The following MLIP variants were observed in gnomAD, a reference collection of about 807,000 sequenced individuals.
MLIP encodes muscular LMNA-interacting protein.
Under a neutral mutation model 84.8 loss-of-function variants are expected in MLIP, and 79 were observed. The ratio of observed to expected loss-of-function variants is 0.93; its 90% CI spans 0.78 to 1.12. The LOEUF is 1.12. MLIP is among the 50% of genes most tolerant of loss of function. MLIP has a pLI of 0.00. For synonymous variants in MLIP, 504 were observed against 463.0 expected, an observed-to-expected ratio of 1.09 and a Z score of -1.14; for missense variants, 1,257 against 1,160.6, an observed-to-expected ratio of 1.08 and a Z score of -1.21.
intron 12 of MLIP, among the ~76,000 whole-genome samples, chr6:54,239,867 C>T (rs1356079820): frequency 6.6e-6 from 1 of 151,956 alleles, no homozygotes; most frequent in African/African-American, 2.4e-5. Context: ...ATAATAAACC[C>T]TTCCAGTCAA....
intron 13 of MLIP, among the ~76,000 whole-genome samples, chr6:54,257,868 T>A (rs1357596106): frequency 6.6e-6 from 1 of 152,084 alleles, no homozygotes; most frequent in African/African-American, 2.4e-5. Context: ...ATCAGCTCAA[T>A]CATAGCCTCT....
intron 8 of MLIP, among the ~76,000 whole-genome samples, chr6:54,163,461 G>A (rs955642651): frequency 1.3e-5 from 2 of 151,024 alleles, no homozygotes; most frequent in Admixed American, 1.3e-4. Flanking sequence ...GCTTTCCTTA[G>A]GCAATTTTGA....
intron 5 of MLIP, among the ~76,000 whole-genome samples, chr6:54,154,094 C>T (rs1053430611): frequency 1.3e-5 from 2 of 151,788 alleles, no homozygotes; most frequent in Non-Finnish European, 2.9e-5. Context: ...TTTAATTATG[C>T]ATATTTATTG....
intron 11 of MLIP, among the ~76,000 whole-genome samples, chr6:54,213,734 A>AAAAAAAAACC (rs368508685): frequency 7.3e-5 from 6 of 82,372 alleles, no homozygotes; most frequent in Admixed American, 1.5e-4. Context: ...AAAAAAAAAA[A>AAAAAAAAACC]AACAACAAAC....
intron 5 of MLIP, among the ~76,000 whole-genome samples, chr6:54,155,481 AATAG>A (rs1365063777): frequency 2.6e-5 from 4 of 152,270 alleles, no homozygotes; most frequent in South Asian, 2.1e-4. Context: ...AATTCAATCA[AATAG>A]ATAGTCTAAG....
chr6:54,236,644 T>A (rs1188709968), intron 12 of MLIP, among the ~76,000 whole-genome samples: 1 of 151,252 alleles, frequency 6.6e-6, no homozygotes, highest in Non-Finnish European at 1.5e-5. Flanking sequence ...CTCTCTGGTA[T>A]CATGTTTTTG....
chr6:54,090,086 G>A (rs582710), intron 1 of MLIP, among the ~76,000 whole-genome samples: 100,716 of 152,008 alleles, frequency 0.66, 35,690 homozygotes, highest in Non-Finnish European at 0.8. Context: ...GATCAGTTTT[G>A]TTCATTTTCT....
Position 54,124,768 on chromosome 6 carries a change from C to G in MLIP, c.548C>G (p.Ser183Cys). Reference protein sequence around the residue: ...KSLAISSSLVSDVVRPKTQGT... With the variant: ...KSLAISSSLVCDVVRPKTQGT... Reference sequence around the variant, plus strand: ...CTAGCTATCTCGTCCAGTCTGGTCTCTGATGTAGTGCGTCCCAAAACACAG... The same window carrying G: ...CTAGCTATCTCGTCCAGTCTGGTCTGTGATGTAGTGCGTCCCAAAACACAG... The change falls in exon 3 of 14, where the codon TCT becomes TGT. Residue 183 changes from serine (S) to cysteine (C), a missense_variant. Physicochemically the swap from Ser to Cys is moderately radical, Grantham distance 112 (BLOSUM62 -1). Coordinates refer to ENST00000502396, the MANE Select transcript of MLIP (RefSeq NM_001281747.2). 6.2e-7 allele frequency: 1 copy of G among 1,614,188 alleles called. No homozygotes were observed.
At chr6:54,139,539 T>C (rs923054722) in intron 4 of MLIP, among the ~76,000 whole-genome samples, 5 of 152,172 alleles carry the variant, frequency 3.3e-5, no homozygotes, top group Non-Finnish European at 5.9e-5. Context: ...CTGACGGTAA[T>C]AATAGCAGCA....
At chr6:54,044,747 T>C (rs1015281651) in intron 1 of MLIP, among the ~76,000 whole-genome samples, 2 of 151,898 alleles carry the variant, frequency 1.3e-5, no homozygotes, top group Non-Finnish European at 2.9e-5. Context: ...GGGTGTTAGG[T>C]CGGTGAAATT....
At chr6:54,232,368 G>A (rs1582576287) in intron 12 of MLIP, among the ~76,000 whole-genome samples, 2 of 152,186 alleles carry the variant, frequency 1.3e-5, no homozygotes, top group South Asian at 4.1e-4. Flanking sequence ...TCATCCATAT[G>A]TCAGTCTTTG....
chr6:54,189,424 C>T (rs764336844), intron 9 of MLIP, among the ~76,000 whole-genome samples: 68 of 152,056 alleles, frequency 4.5e-4, no homozygotes, highest in South Asian at 2.1e-4. Flanking sequence ...CTTTGTTATG[C>T]TTTTCTTTTT....
At chr6:54,140,337 T>G (rs1165454948) in intron 4 of MLIP, among the ~76,000 whole-genome samples, 1 of 152,206 alleles carries the variant, frequency 6.6e-6, no homozygotes, top group African/African-American at 2.4e-5. Context: ...GCATATTTAT[T>G]GAAGACCTAT....
chr6:54,252,389 A>C (rs1323897245), intron 12 of MLIP, among the ~76,000 whole-genome samples: 3 of 97,788 alleles, frequency 3.1e-5, no homozygotes, highest in Admixed American at 1.1e-4. Flanking sequence ...ATATATTATA[A>C]CATATAATAT....
At chr6:54,035,121 C>T (rs532288070) in intron 1 of MLIP, among the ~76,000 whole-genome samples, 2 of 152,262 alleles carry the variant, frequency 1.3e-5, no homozygotes, top group African/African-American at 4.8e-5. Flanking sequence ...ATTATACCAT[C>T]TCAGTTTGTG....
At chr6:54,210,845 A>AT (rs1046117112) in intron 11 of MLIP, among the ~76,000 whole-genome samples, 1 of 151,916 alleles carries the variant, frequency 6.6e-6, no homozygotes, top group Non-Finnish European at 1.5e-5. Context: ...AAGATCTTTA[A>AT]TTTTTTTTAA....
chr6:54,200,168 A>T (rs1232525493), intron 10 of MLIP, among the ~76,000 whole-genome samples: 1 of 152,160 alleles, frequency 6.6e-6, no homozygotes, highest in Admixed American at 6.5e-5. Context: ...GAAAGGACTG[A>T]TCCCAAGACA....
At chr6:54,223,982 G>A (rs963496894) in intron 11 of MLIP, among the ~76,000 whole-genome samples, 4 of 151,604 alleles carry the variant, frequency 2.6e-5, no homozygotes, top group Non-Finnish European at 5.9e-5. Flanking sequence ...AGTAATAAAG[G>A]TCAACCAAGT....
At chr6:54,029,231 C>T (rs1402367499) in intron 1 of MLIP, 2 of 152,144 alleles carry the variant, frequency 1.3e-5, no homozygotes, top group Non-Finnish European at 1.5e-5. Context: ...GATGTGTCCT[C>T]CAACATTCAG....
Sources: gnomAD v4.1 joint callset for allele counts (sites outside exome capture counted in the v4.1 genomes callset) on GRCh38, gnomAD v4.1.1 for gene constraint, MANE v1.5 for transcripts, NCBI Gene and HGNC (gene_info 2026-07-23, HGNC 2026-07-21) for gene names.